Variants in PARN observed in about 807,000 individuals in gnomAD.
PARN encodes poly(A)-specific ribonuclease PARN.
A neutral mutation model predicts 102.8 loss-of-function variants in PARN; 71 were observed. The ratio of observed to expected loss-of-function variants is 0.69; its 90% CI spans 0.57 to 0.84. The LOEUF is 0.84. Among genes scored for constraint, PARN ranks in the 40% least tolerant of loss-of-function variants. PARN has a pLI of 0.00. For missense variants in PARN, 782 were observed against 760.9 expected (o/e 1.03, Z -0.33); for synonymous variants, 261 against 252.9 (o/e 1.03, Z -0.30).
chr16:14,442,721 G>A (rs1364771502), intron 23 of PARN, among the ~76,000 whole-genome samples: 6 of 152,068 alleles, frequency 3.9e-5, no homozygotes, highest in Non-Finnish European at 5.9e-5. Context: ...GGGCTTAAGC[G>A]AGTCTCCTGC....
chr16:14,586,133 C>T (rs1969842277), intron 14 of PARN, among the ~76,000 whole-genome samples, 185 bp downstream of exon 14: 2 of 151,956 alleles, frequency 1.3e-5, no homozygotes, highest in Non-Finnish European at 2.9e-5. Flanking sequence ...TATCCCACCA[C>T]ACCCAGCTAA....
chr16:14,517,048 T>G (rs549466082), intron 21 of PARN, among the ~76,000 whole-genome samples: 87 of 152,222 alleles, frequency 5.7e-4, no homozygotes, highest in Non-Finnish European at 1.0e-3. Context: ...CATAGTAGGG[T>G]ACCAATAGAC....
intron 21 of PARN, among the ~76,000 whole-genome samples, chr16:14,495,228 G>A (rs757643911): frequency 1.3e-5 from 2 of 152,116 alleles, no homozygotes; most frequent in Non-Finnish European, 2.9e-5. Flanking sequence ...GCTCATGCCC[G>A]TAGTCGCCAG....
At chr16:14,555,908 C>G (rs747403762) in intron 18 of PARN, among the ~76,000 whole-genome samples, 199 bp from the exon 19 acceptor site, 2 of 152,020 alleles carry the variant, frequency 1.3e-5, no homozygotes, top group African/African-American at 2.4e-5. Context: ...CTCTGCCGCC[C>G]AGGCTGGCAT....
chr16:14,489,014 C>T (rs1300345015), intron 21 of PARN, among the ~76,000 whole-genome samples: 1 of 152,004 alleles, frequency 6.6e-6, no homozygotes, highest in African/African-American at 2.4e-5. Flanking sequence ...ACTACAGCTA[C>T]GCAGAATAAA....
chr16:14,495,629 TG>T (rs1435052844), intron 21 of PARN, among the ~76,000 whole-genome samples: 1 of 151,584 alleles, frequency 6.6e-6, no homozygotes, highest in Admixed American at 6.6e-5. Context: ...ACGGTAAGGG[TG>T]GTGACTGCAG....
chr16:14,546,200 T>G (rs2151696460), intron 21 of PARN, among the ~76,000 whole-genome samples: 1 of 152,384 alleles, frequency 6.6e-6, no homozygotes, highest in South Asian at 2.1e-4. Context: ...AGCAGCCTTT[T>G]AGCAAATTCA....
chr16:14,592,906 G>A (rs569153329), intron 13 of PARN, among the ~76,000 whole-genome samples: 44 of 152,314 alleles, frequency 2.9e-4, no homozygotes, highest in Admixed American at 1.4e-3. Flanking sequence ...GGGAGGCTAA[G>A]GCAGGCGGAT....
intron 5 of PARN, among the ~76,000 whole-genome samples, chr16:14,620,080 A>AAG (rs1972202540): frequency 6.7e-6 from 1 of 148,810 alleles, no homozygotes; most frequent in Non-Finnish European, 1.5e-5. Flanking sequence ...AAAAAAAAAA[A>AAG]AAAAAAAAAA....
intron 9 of PARN, among the ~76,000 whole-genome samples, chr16:14,607,262 G>T (rs1232778503): frequency 6.6e-6 from 1 of 152,048 alleles, no homozygotes; most frequent in Non-Finnish European, 1.5e-5. Flanking sequence ...AGGCTGGAGT[G>T]CCAAGCCGCA....
At chr16:14,482,374 A>G (rs1963429543) in intron 22 of PARN, among the ~76,000 whole-genome samples, 2 of 152,124 alleles carry the variant, frequency 1.3e-5, no homozygotes, top group South Asian at 2.1e-4. Context: ...CCTGGGCAAC[A>G]GAATGAGACC....
intron 5 of PARN, among the ~76,000 whole-genome samples, chr16:14,624,777 T>C (rs1272105382): frequency 6.6e-6 from 1 of 151,686 alleles, no homozygotes; most frequent in African/African-American, 2.4e-5. Flanking sequence ...AATTAGCCGG[T>C]GTGGTGGTGC....
At chr16:14,509,514 T>C (rs1027588531) in intron 21 of PARN, among the ~76,000 whole-genome samples, 10 of 152,212 alleles carry the variant, frequency 6.6e-5, no homozygotes, top group African/African-American at 2.4e-4. Flanking sequence ...TCCTTTTTCA[T>C]GTGAAAGGAC....
At chr16:14,440,369 C>T (rs553802534) in intron 23 of PARN, among the ~76,000 whole-genome samples, 1 of 152,212 alleles carries the variant, frequency 6.6e-6, no homozygotes, top group Non-Finnish European at 1.5e-5. Context: ...CTGGTGAGGG[C>T]GCAGAGTGAG....
At chr16:14,507,326 CA>C (rs1436799416) in intron 21 of PARN, among the ~76,000 whole-genome samples, 140 of 132,882 alleles carry the variant, frequency 1.1e-3, no homozygotes, top group Middle Eastern at 4.2e-3. Flanking sequence ...AATTCGGTCT[CA>C]AAAAAAAAAA....
intron 11 of PARN, among the ~76,000 whole-genome samples, chr16:14,600,335 C>T (rs1331970673): frequency 6.6e-6 from 1 of 152,162 alleles, no homozygotes; most frequent in Admixed American, 6.5e-5. Flanking sequence ...TCTGAGGAAA[C>T]CCATCTGGCA....
At chr16:14,469,050 CACTT>C in intron 22 of PARN, among the ~76,000 whole-genome samples, 1 of 152,234 alleles carries the variant, frequency 6.6e-6, no homozygotes, top group South Asian at 2.1e-4. Context: ...GTAATCCCAG[CACTT>C]TGGGAGGTCG....
chr16:14,463,469 A>G (rs931900591), intron 22 of PARN, among the ~76,000 whole-genome samples: 23 of 152,326 alleles, frequency 1.5e-4, no homozygotes, highest in African/African-American at 5.5e-4. Flanking sequence ...CACAACCCAC[A>G]ATAACAGTAA....
At chr16:14,599,048 T>C (rs1251030604) in intron 12 of PARN, among the ~76,000 whole-genome samples, 3 of 144,600 alleles carry the variant, frequency 2.1e-5, no homozygotes, top group Non-Finnish European at 3.0e-5. Flanking sequence ...TTTTTTTTTT[T>C]TTTTTTTTTT....
Sources: gnomAD v4.1 joint callset for allele counts (sites outside exome capture counted in the v4.1 genomes callset) on GRCh38, gnomAD v4.1.1 for gene constraint, MANE v1.5 for transcripts, NCBI Gene and HGNC (gene_info 2026-07-23, HGNC 2026-07-21) for gene names.